Variants in SEMA5B observed in about 807,000 individuals in gnomAD.
SEMA5B encodes the protein semaphorin 5B, also known as semaphorin-5B.
Under a neutral mutation model 135.0 loss-of-function variants are expected in SEMA5B, and 66 were observed. The observed-to-expected ratio is 0.49, with a 90% CI of 0.40 to 0.60. SEMA5B has a LOEUF of 0.60. SEMA5B is among the 20% of genes least tolerant of loss of function. The pLI is 0.00. For missense variants in SEMA5B, 1,501 were observed against 1,566.3 expected, an observed-to-expected ratio of 0.96 and a Z score of 0.70; for synonymous variants, 690 against 639.5, an observed-to-expected ratio of 1.08 and a Z score of -1.19.
At chr3:122,992,963 A>G (rs1276539086) in intron 1 of SEMA5B, 2 of 151,976 alleles carry the variant, frequency 1.3e-5, no homozygotes, top group African/African-American at 4.9e-5. Context: ...CTGGGAGCAG[A>G]CCTGGGGCCA....
chr3:122,987,189 G>C (rs1941728691), intron 1 of SEMA5B, among the ~76,000 whole-genome samples: 1 of 152,112 alleles, frequency 6.6e-6, no homozygotes, highest in African/African-American at 2.4e-5. Context: ...GAGAGAGAGA[G>C]AGATTGGAGA....
In SEMA5B at chr3:122,912,083, GT is replaced by G. The variant is rs749405360; in HGVS notation, c.2897-15del. ...GCGACCAGCCTTCTGGGGATTGTGGGTAGGATGAGGTTAACTGCCCAGGGAC... is the reference window on the plus strand; with the variant it reads ...GCGACCAGCCTTCTGGGGATTGTGGGAGGATGAGGTTAACTGCCCAGGGAC... On this transcript the variant is annotated splice_polypyrimidine_tract_variant and intron_variant, in intron 19 of 22. Coordinates refer to ENST00000357599, the MANE Select transcript of SEMA5B (RefSeq NM_001031702.4). 6.2e-7 allele frequency: 1 copy of G among 1,603,630 alleles called. No individual in the cohort carries two copies. Among genetic ancestry groups the G allele is most frequent in the Non-Finnish European group, 8.5e-7 (1 of 1,172,140 alleles).
intron 21 of SEMA5B, 170 bp downstream of exon 21, chr3:122,911,321 G>T: frequency 6.6e-7 from 1 of 1,516,690 alleles, no homozygotes; most frequent in Non-Finnish European, 8.9e-7. Flanking sequence ...TCCTAGCTGG[G>T]GGGGGCATGG....
At position 122,977,759 on chromosome 3, in the gene SEMA5B, G is replaced by C. The variant is rs149143689; in HGVS notation, c.-38-16458C>G. 1.2e-3 allele frequency among the ~76,000 whole-genome samples: 185 copies of C among 152,330 alleles called. 2 individuals are homozygous for C. The highest frequency in any genetic ancestry group is 4.2e-3 in the African/African-American group (174 of 41,564). On this transcript the variant is annotated intron_variant, in intron 1 of 22. Transcript: ENST00000357599. ...TAGAGTACAAAAGTCTCACTGGGGA[G>C]AACCAATTAAAATGCAGGTCTCCAG...
intron 1 of SEMA5B, among the ~76,000 whole-genome samples, chr3:123,002,894 C>T (rs1047598843): frequency 2.6e-5 from 4 of 152,068 alleles, no homozygotes; most frequent in Admixed American, 1.3e-4. Flanking sequence ...GTGATGACCC[C>T]GGACATACTT....
At chr3:122,972,185 A>T (rs970109229) in intron 1 of SEMA5B, among the ~76,000 whole-genome samples, 1 of 152,200 alleles carries the variant, frequency 6.6e-6, no homozygotes, top group African/African-American at 2.4e-5. Flanking sequence ...TGTGGTGACA[A>T]GGAATAGGCC....
rs1941906492 is a variant in SEMA5B, at chr3:122,992,407, C to T, written c.-38-31106G>A. ...TCACTCTGCATTCTGTGCCCTTCAC[C>T]TAGCAGGGGTTATGCAGCAAGAGTA... On this transcript the variant is annotated intron_variant, in intron 1 of 22. Coordinates refer to ENST00000357599, the MANE Select transcript of SEMA5B (RefSeq NM_001031702.4). Among the ~76,000 whole-genome samples, 5 of 152,310 alleles carry T rather than the reference C, an allele frequency of 3.3e-5. No homozygotes were observed. The Middle Eastern group carries it at 0.014, about 414-fold the overall frequency.
chr3:122,921,986 C>G lies in SEMA5B; in HGVS notation c.1617G>C (p.Ala539=). 6.5e-7 allele frequency: 1 copy of G among 1,534,550 alleles called. No individual in the cohort carries two copies. Among genetic ancestry groups the G allele is most frequent in the Non-Finnish European group, 8.7e-7 (1 of 1,144,306 alleles). ...CGCCGTCTCTCAGCCCCACGAAGAG[C>G]GCGCGGGCGCTGTGCAGGATGCGCA... is the stretch of plus-strand genomic sequence containing the variant. ...RSLRILHSAR[A]LFVGLRDGVL... The change falls in exon 12 of 23, where the codon GCG becomes GCC. Residue 539 remains alanine (A), a synonymous_variant. Transcript: ENST00000357599.
At chr3:122,916,651 C>T (rs750071572) in intron 12 of SEMA5B, among the ~76,000 whole-genome samples, 13 of 152,206 alleles carry the variant, frequency 8.5e-5, no homozygotes, top group Non-Finnish European at 1.8e-4. Context: ...CTGCTTCCCA[C>T]GGGAGGTTGT....
chr3:122,968,224 G>A (rs893664903), intron 1 of SEMA5B, among the ~76,000 whole-genome samples: 14 of 152,220 alleles, frequency 9.2e-5, no homozygotes, highest in Admixed American at 6.5e-4. Context: ...AGGTGATGTA[G>A]CTACCTCCTT....
rs1938651761 is a variant in SEMA5B, at chr3:122,926,684, G to A, written c.851-7C>T. The stretch of plus-strand genomic sequence containing the variant: ...GCTGCCACGAAGTTTGGCTCTGGGT[G>A]GGCAGAAGAGGAACAAGGGGCAGGG... On this transcript the variant is annotated splice_region_variant and splice_polypyrimidine_tract_variant and intron_variant, in intron 8 of 22. Coordinates refer to ENST00000357599, the MANE Select transcript of SEMA5B (RefSeq NM_001031702.4). The A allele has an allele frequency of 1.9e-6, 3 of 1,608,754 alleles. No individual in the cohort carries two copies. The South Asian group carries it at 3.3e-5, about 18-fold the overall frequency.
In SEMA5B at chr3:122,948,635, C is replaced by G. The variant is rs772972846; in HGVS notation, c.199G>C (p.Val67Leu). 1 of 1,613,818 alleles carries G rather than the reference C, an allele frequency of 6.2e-7. No homozygotes were observed. The highest frequency in any genetic ancestry group is 1.7e-5 in the Admixed American group (1 of 60,002). Residue 67 changes from valine (V) to leucine (L), a missense_variant, in exon 3 of 23, where the codon GTC becomes CTC. By Grantham distance (32) the Val-to-Leu change is conservative. This residue lies in a region of SEMA5B where 574 missense variants were observed against 684.7 expected (regional missense o/e 0.84). Coordinates refer to ENST00000357599, the MANE Select transcript of SEMA5B (RefSeq NM_001031702.4). ...PIMVLAGPLA[V>L]SLLLPSLTLL... The stretch of plus-strand genomic sequence containing the variant: ...GTGAGGCTGGGCAGCAACAGCGAGA[C>G]AGCCAGGGGGCCTGCAAGCACCATG...
intron 3 of SEMA5B, among the ~76,000 whole-genome samples, chr3:122,946,056 G>A (rs1269649392): frequency 6.6e-6 from 1 of 152,176 alleles, no homozygotes; most frequent in East Asian, 1.9e-4. Flanking sequence ...CACGTTCCGA[G>A]CTCTGTGTGC....
intron 1 of SEMA5B, among the ~76,000 whole-genome samples, chr3:122,993,672 A>AG (rs1167045806): frequency 6.6e-6 from 1 of 152,078 alleles, no homozygotes; most frequent in African/African-American, 2.4e-5. Context: ...GTTTGGAGAC[A>AG]GGGGGATGGG....
chr3:122,989,223 G>A (rs1352426508), intron 1 of SEMA5B, among the ~76,000 whole-genome samples: 2 of 152,210 alleles, frequency 1.3e-5, no homozygotes, highest in South Asian at 2.1e-4. Flanking sequence ...ATGGCCCCTT[G>A]TCCCATCAGT....
At chr3:122,966,033 C>G (rs1019246938) in intron 1 of SEMA5B, among the ~76,000 whole-genome samples, 1 of 152,210 alleles carries the variant, frequency 6.6e-6, no homozygotes, top group African/African-American at 2.4e-5. Context: ...AAGGAAGGGA[C>G]CCTCCAGCAG....
intron 5 of SEMA5B, among the ~76,000 whole-genome samples, chr3:122,929,727 C>T (rs1003485519): frequency 3.9e-5 from 6 of 152,176 alleles, no homozygotes; most frequent in Admixed American, 3.3e-4. Flanking sequence ...ACTGTCTGCA[C>T]TTTCCTCCCA....
chr3:123,002,757 C>A (rs1942211550), intron 1 of SEMA5B, among the ~76,000 whole-genome samples: 1 of 152,194 alleles, frequency 6.6e-6, no homozygotes, highest in Non-Finnish European at 1.5e-5. Flanking sequence ...CCTTTTTGAG[C>A]ACAGGGTTAT....
At chr3:123,004,552 C>A (rs1227522604) in intron 1 of SEMA5B, among the ~76,000 whole-genome samples, 1 of 152,192 alleles carries the variant, frequency 6.6e-6, no homozygotes, top group Non-Finnish European at 1.5e-5. Flanking sequence ...AACACAATGG[C>A]TAACAATGTA....
Sources: gnomAD v4.1 joint callset for allele counts (sites outside exome capture counted in the v4.1 genomes callset) on GRCh38, gnomAD v4.1.1 for gene constraint, gnomAD v4.1.1 regional missense constraint, MANE v1.5 for transcripts, NCBI Gene and HGNC (gene_info 2026-07-23, HGNC 2026-07-21) for gene names.